SPHKAP: variants seen among roughly 807,000 people sequenced by gnomAD.
SPHKAP encodes SPHK1 interactor, AKAP domain containing.
Under a neutral mutation model 137.5 loss-of-function variants are expected in SPHKAP, and 67 were observed. The ratio of observed to expected loss-of-function variants is 0.49; its 90% CI spans 0.40 to 0.60. The LOEUF (loss-of-function observed/expected upper bound fraction) is 0.60, where lower values mean the gene tolerates loss of function less well. SPHKAP is among the 20% of genes least tolerant of loss of function. The pLI is 0.00. For missense variants in SPHKAP, 2,097 were observed against 2,069.3 expected (o/e 1.01, Z -0.26); for synonymous variants, 813 against 785.3 (o/e 1.04, Z -0.59).
At chr2:228,082,519 A>G (rs1046055722) in intron 3 of SPHKAP, among the ~76,000 whole-genome samples, 1 of 152,256 alleles carries the variant, frequency 6.6e-6, no homozygotes, top group Admixed American at 6.5e-5. Flanking sequence ...AAATGGTAGC[A>G]ATAAAAAGCA....
In SPHKAP at chr2:228,025,402, C is replaced by A; in HGVS notation, c.433G>T (p.Val145Phe). 6.2e-7 allele frequency: 1 copy of A among 1,613,724 alleles called. No homozygotes were observed. Among genetic ancestry groups the A allele is most frequent in the Non-Finnish European group, 8.5e-7 (1 of 1,179,854 alleles). ...AAGAACTTATGTCTTACCTGTGAAA[C>A]TTCAAAATCTGCCTGGAGATTTCCA... Reference protein sequence around the residue: ...ASGNLQADFEVSQCPWLPDIC... With the variant: ...ASGNLQADFEFSQCPWLPDIC... The change falls in exon 5 of 12, where the codon GTT (valine) becomes TTT (phenylalanine). Residue 145 changes from valine (V) to phenylalanine (F), a missense_variant. Coordinates refer to ENST00000392056, the MANE Select transcript of SPHKAP (RefSeq NM_001142644.2).
At chr2:228,164,981 A>C (rs551591026) in intron 1 of SPHKAP, among the ~76,000 whole-genome samples, 1 of 152,160 alleles carries the variant, frequency 6.6e-6, no homozygotes, top group East Asian at 1.9e-4. Context: ...AAGGGGGTGG[A>C]CTCTACTTGT....
In SPHKAP at chr2:228,019,331, C is replaced by A; in HGVS notation, c.1523G>T (p.Gly508Val). The stretch of plus-strand genomic sequence containing the variant: ...TGTGGCCTGTGGACTGGAAATAGTT[C>A]CAATCACAGTGGCTGCACAAGCTAA... ...VALACAATVI[G>V]TISSPQATER... The change falls in exon 7 of 12, where the codon GGA (glycine) becomes GTA (valine). Residue 508 changes from glycine to valine, a missense_variant. Coordinates refer to ENST00000392056, the MANE Select transcript of SPHKAP (RefSeq NM_001142644.2). 6.2e-7 allele frequency: 1 copy of A among 1,614,090 alleles called. No homozygotes were observed. The highest frequency in any genetic ancestry group is 8.5e-7 in the Non-Finnish European group (1 of 1,180,016).
At chr2:228,047,516 T>C (rs560750145) in intron 3 of SPHKAP, among the ~76,000 whole-genome samples, 2 of 151,920 alleles carry the variant, frequency 1.3e-5, no homozygotes, top group Non-Finnish European at 2.9e-5. Flanking sequence ...TCTCATGTTA[T>C]CTGTAAAGAA....
rs561169050 is a variant in SPHKAP, at chr2:228,128,842, T to C, written c.138+3138A>G. 6.8e-4 allele frequency among the ~76,000 whole-genome samples: 104 copies of C among 152,252 alleles called. No homozygotes were observed. In the Middle Eastern group the frequency reaches 0.01, roughly 15 times the overall value. On this transcript the variant is annotated intron_variant, in intron 2 of 11. Transcript: ENST00000392056. ...GATAGGAATCTTTTTTTATGAGCAG[T>C]AGGCTTCAAAAGGGGGCTTAAAATA... is the stretch of plus-strand genomic sequence containing the variant.
intron 1 of SPHKAP, among the ~76,000 whole-genome samples, chr2:228,157,101 T>TA (rs1338338474): frequency 1.3e-5 from 2 of 152,158 alleles, no homozygotes; most frequent in Non-Finnish European, 2.9e-5. Flanking sequence ...AGAAAAGCAA[T>TA]AAAATAAATA....
intron 3 of SPHKAP, among the ~76,000 whole-genome samples, chr2:228,061,293 G>T (rs1014254260): frequency 6.6e-6 from 1 of 151,856 alleles, no homozygotes; most frequent in African/African-American, 2.4e-5. Flanking sequence ...ATGGAGTCTT[G>T]CTCTGTCACC....
intron 1 of SPHKAP, among the ~76,000 whole-genome samples, chr2:228,154,608 G>C (rs1700050449): frequency 7.8e-6 from 1 of 127,906 alleles, no homozygotes; most frequent in Non-Finnish European, 1.6e-5. Flanking sequence ...GAGTGCAGTG[G>C]CACGATCTAG....
intron 1 of SPHKAP, 43 bp from the exon 2 acceptor site, chr2:228,132,128 T>C (rs778023424): frequency 2.0e-5 from 29 of 1,464,518 alleles, no homozygotes; most frequent in African/African-American, 9.7e-5. Flanking sequence ...CAGTGAGTCA[T>C]ATCTATATTT....
At chr2:228,176,832 G>A (rs1466848161) in intron 1 of SPHKAP, among the ~76,000 whole-genome samples, 2 of 152,278 alleles carry the variant, frequency 1.3e-5, no homozygotes, top group South Asian at 2.1e-4. Context: ...CAGAGATCGC[G>A]CCATTGCACT....
At chr2:228,035,121 T>C (rs1404093781) in intron 3 of SPHKAP, among the ~76,000 whole-genome samples, 8 of 147,064 alleles carry the variant, frequency 5.4e-5, no homozygotes, top group Admixed American at 4.8e-4. Context: ...TGATTGTATA[T>C]CTAGAAAACC....
Position 228,181,560 on chromosome 2 carries a change from G to GTCC in SPHKAP, c.32+6_32+7insGGA. ...TGGTATTGGGCATAGAAAGAAGCGG[G>GTCC]TCTTACCTTGGTACCGAGAGCAGGG... On this transcript the variant is annotated splice_region_variant and intron_variant, in intron 1 of 11. Transcript: ENST00000392056. This position sits in a 1 kb window ranked among gnomAD's most constrained non-coding sequence, Gnocchi z 4.3. The GTCC allele has an allele frequency of 6.2e-7, 1 of 1,614,200 alleles. No homozygotes were observed. The highest frequency in any genetic ancestry group is 1.1e-5 in the South Asian group (1 of 91,084).
intron 1 of SPHKAP, among the ~76,000 whole-genome samples, chr2:228,155,877 T>C (rs759765483): frequency 4.2e-4 from 64 of 152,232 alleles, no homozygotes; most frequent in Non-Finnish European, 8.1e-4. Context: ...TTCTGTGTGA[T>C]GCAAGCAAAG....
chr2:228,107,664 CT>C (rs58945626), intron 3 of SPHKAP, among the ~76,000 whole-genome samples: 3,232 of 152,224 alleles, frequency 0.021, 111 homozygotes, highest in African/African-American at 0.073. Flanking sequence ...CTGCTGATAG[CT>C]TTTCCTCTCC....
chr2:228,124,383 C>A (rs1699005481), intron 2 of SPHKAP, among the ~76,000 whole-genome samples: 1 of 152,024 alleles, frequency 6.6e-6, no homozygotes, highest in Non-Finnish European at 1.5e-5. Flanking sequence ...CACATGTACA[C>A]CATGGAATAC....
At chr2:228,124,932 GC>G (rs1699025822) in intron 2 of SPHKAP, among the ~76,000 whole-genome samples, 1 of 152,078 alleles carries the variant, frequency 6.6e-6, no homozygotes, top group Admixed American at 6.6e-5. Context: ...GTATATCTTT[GC>G]CACTGTTTAC....
At chr2:228,097,864 T>G (rs1698040792) in intron 3 of SPHKAP, among the ~76,000 whole-genome samples, 2 of 152,262 alleles carry the variant, frequency 1.3e-5, no homozygotes, top group Non-Finnish European at 2.9e-5. Context: ...ACACCACATT[T>G]TCTTTACCCA....
intron 3 of SPHKAP, among the ~76,000 whole-genome samples, chr2:228,096,540 G>T (rs1186905650): frequency 3.3e-5 from 5 of 151,868 alleles, no homozygotes; most frequent in African/African-American, 4.8e-5. Context: ...TGCATCCCAC[G>T]AGTACTCTAT....
intron 3 of SPHKAP, among the ~76,000 whole-genome samples, chr2:228,033,083 C>A (rs951068461): frequency 6.6e-6 from 1 of 152,046 alleles, no homozygotes; most frequent in African/African-American, 2.4e-5. Context: ...CACAGACTGG[C>A]AAATTGGATA....
Sources: allele counts gnomAD v4.1 joint callset (sites outside exome capture counted in the v4.1 genomes callset), GRCh38; gene constraint gnomAD v4.1.1; non-coding constraint Gnocchi (gnomAD v3.1); transcripts MANE v1.5; gene names NCBI Gene and HGNC (gene_info 2026-07-23, HGNC 2026-07-21).